Variants in KLHL1 observed in about 807,000 individuals in gnomAD.
KLHL1 encodes kelch-like protein 1.
KLHL1 carries 47 observed loss-of-function variants against 77.7 expected under a neutral mutation model. The observed-to-expected ratio is 0.60, with a 90% CI of 0.48 to 0.77. The LOEUF (loss-of-function observed/expected upper bound fraction) is 0.77. Among genes scored for constraint, KLHL1 ranks in the 30% least tolerant of loss-of-function variants. The pLI is 0.00. For missense variants in KLHL1, 925 were observed against 910.8 expected, an observed-to-expected ratio of 1.02 and a Z score of -0.20; for synonymous variants, 360 against 325.2, an observed-to-expected ratio of 1.11 and a Z score of -1.15.
chr13:70,090,001 TCTC>T (rs66906584), intron 1 of KLHL1, among the ~76,000 whole-genome samples: 16,738 of 152,008 alleles, frequency 0.11, 1,418 homozygotes, highest in African/African-American at 0.23. Flanking sequence ...ACTGGCTTAA[TCTC>T]CTCTGAAAAG....
At chr13:69,712,771 TTG>T (rs1491583153) in intron 9 of KLHL1, among the ~76,000 whole-genome samples, 1,954 of 134,556 alleles carry the variant, frequency 0.015, 52 homozygotes, top group African/African-American at 0.04. Flanking sequence ...TTTTTTTTTT[TTG>T]GGGGGGGGGT....
chr13:69,721,070 T>TATATATATATATATATATATAC (rs1566358328), intron 8 of KLHL1, among the ~76,000 whole-genome samples: 2 of 60,148 alleles, frequency 3.3e-5, no homozygotes, highest in African/African-American at 8.7e-5. Flanking sequence ...AAGATATATA[T>TATATATATATATATATATATAC]ATATATATAA....
intron 3 of KLHL1, among the ~76,000 whole-genome samples, chr13:69,948,458 T>A (rs1005227549): frequency 6.6e-6 from 1 of 151,972 alleles, no homozygotes; most frequent in Non-Finnish European, 1.5e-5. Flanking sequence ...AAACTGCTTA[T>A]AAAATTGGAG....
chr13:69,863,579 A>ATT (rs902807349), intron 5 of KLHL1, among the ~76,000 whole-genome samples: 1 of 151,044 alleles, frequency 6.6e-6, no homozygotes, highest in Admixed American at 6.6e-5. Context: ...TGAATTTATG[A>ATT]TTTTTTTTTG....
At chr13:69,708,462 A>T (rs1875730164) in intron 9 of KLHL1, among the ~76,000 whole-genome samples, 1 of 151,996 alleles carries the variant, frequency 6.6e-6, no homozygotes, top group South Asian at 2.1e-4. Context: ...CTTTCAGTTT[A>T]TTCAATAGAA....
chr13:69,979,242 AT>A (rs371007383), intron 1 of KLHL1, among the ~76,000 whole-genome samples: 3 of 151,462 alleles, frequency 2.0e-5, no homozygotes, highest in African/African-American at 7.3e-5. Context: ...AAGTTTCTTC[AT>A]ATTGTATCTG....
At chr13:69,967,158 T>A (rs983519480) in intron 2 of KLHL1, among the ~76,000 whole-genome samples, 2 of 152,172 alleles carry the variant, frequency 1.3e-5, no homozygotes, top group Non-Finnish European at 2.9e-5. Flanking sequence ...GGTAGTTTTA[T>A]TTTTAGTTCT....
intron 3 of KLHL1, among the ~76,000 whole-genome samples, chr13:69,952,744 G>A (rs1490186533): frequency 1.3e-5 from 2 of 151,270 alleles, no homozygotes; most frequent in African/African-American, 4.8e-5. Context: ...AAAGTGCTTC[G>A]TGTTCCCATT....
chr13:69,833,489 A>G (rs1215275888), intron 6 of KLHL1, among the ~76,000 whole-genome samples: 1 of 151,918 alleles, frequency 6.6e-6, no homozygotes, highest in Non-Finnish European at 1.5e-5. Context: ...AAAAGGGAAC[A>G]CTTTTACACT....
intron 1 of KLHL1, among the ~76,000 whole-genome samples, chr13:70,084,665 C>T (rs1191976054): frequency 4.1e-5 from 2 of 48,684 alleles, no homozygotes; most frequent in Non-Finnish European, 7.6e-5. Flanking sequence ...TTAGTAGAGA[C>T]GGGGTTTCAC....
chr13:70,057,287 A>G (rs1158921110), intron 1 of KLHL1, among the ~76,000 whole-genome samples: 1 of 152,074 alleles, frequency 6.6e-6, no homozygotes, highest in Non-Finnish European at 1.5e-5. Flanking sequence ...TGGGGCTGTA[A>G]TAAAATGTTT....
intron 8 of KLHL1, among the ~76,000 whole-genome samples, chr13:69,732,864 C>A (rs1438727319): frequency 6.6e-6 from 1 of 152,114 alleles, no homozygotes; most frequent in Non-Finnish European, 1.5e-5. Flanking sequence ...CCTTCTGAGA[C>A]TAGCTCCAGC....
chr13:69,889,907 T>G (rs930054212), intron 4 of KLHL1, among the ~76,000 whole-genome samples: 1 of 152,108 alleles, frequency 6.6e-6, no homozygotes, highest in Non-Finnish European at 1.5e-5. Flanking sequence ...ACCCTTCCCT[T>G]CAGCCTCCTC....
At chr13:69,809,513 G>T (rs1428926749) in intron 6 of KLHL1, among the ~76,000 whole-genome samples, 1 of 152,056 alleles carries the variant, frequency 6.6e-6, no homozygotes, top group East Asian at 1.9e-4. Flanking sequence ...ATCAATAAGA[G>T]AATTAATCAG....
chr13:69,825,419 G>A (rs1878507041), intron 6 of KLHL1, among the ~76,000 whole-genome samples: 2 of 152,188 alleles, frequency 1.3e-5, no homozygotes, highest in Admixed American at 6.6e-5. Context: ...AAAGAAAATA[G>A]GAAAAACCTG....
chr13:69,775,519 C>T (rs1875782564), intron 7 of KLHL1, among the ~76,000 whole-genome samples: 1 of 152,146 alleles, frequency 6.6e-6, no homozygotes, highest in Non-Finnish European at 1.5e-5. Flanking sequence ...CCACAAAAAA[C>T]AAGAACTGTT....
chr13:69,873,068 T>G (rs1872769506), intron 5 of KLHL1, among the ~76,000 whole-genome samples: 2 of 152,204 alleles, frequency 1.3e-5, no homozygotes. Flanking sequence ...TTTACTCATA[T>G]AGTGTTATTG....
chr13:69,927,251 A>G (rs1011766706), intron 4 of KLHL1, among the ~76,000 whole-genome samples: 1 of 152,160 alleles, frequency 6.6e-6, no homozygotes, highest in African/African-American at 2.4e-5. Flanking sequence ...TTCACACCAT[A>G]TAAAAATTAA....
At chr13:70,081,907 A>C (rs1665180312) in intron 1 of KLHL1, among the ~76,000 whole-genome samples, 1 of 152,176 alleles carries the variant, frequency 6.6e-6, no homozygotes, top group Non-Finnish European at 1.5e-5. Flanking sequence ...ATTTGGATTT[A>C]TGTCCTCACT....
Sources: allele counts gnomAD v4.1 joint callset (sites outside exome capture counted in the v4.1 genomes callset), GRCh38; gene constraint gnomAD v4.1.1; transcripts MANE v1.5; gene names NCBI Gene and HGNC (gene_info 2026-07-23, HGNC 2026-07-21).